The following FUBP1 variants were observed in gnomAD, a reference collection of about 807,000 sequenced individuals.
FUBP1 encodes far upstream element-binding protein 1.
FUBP1 carries 16 observed loss-of-function variants against 94.9 expected under a neutral mutation model. The ratio of observed to expected loss-of-function variants is 0.17; its 90% CI spans 0.11 to 0.26. FUBP1 has a LOEUF of 0.26. FUBP1 is among the 10% of genes least tolerant of loss of function. The pLI is 1.00. For missense variants in FUBP1, 583 were observed against 808.6 expected (o/e 0.72, Z 3.38); for synonymous variants, 279 against 254.9 (o/e 1.09, Z -0.90).
At position 77,978,975 on chromosome 1, in the gene FUBP1, G is replaced by A. The variant is rs763987254; in HGVS notation, c.30C>T (p.Pro10=). 2.3e-5 allele frequency: 37 copies of A among 1,613,372 alleles called. No homozygotes were observed. The South Asian group carries it at 3.1e-4, about 13-fold the overall frequency. Residue 10 remains proline (P), a synonymous_variant, in exon 1 of 20, where the codon CCC becomes CCT. Coordinates refer to ENST00000370768, the MANE Select transcript of FUBP1 (RefSeq NM_003902.5). The stretch of plus-strand genomic sequence containing the variant: ...CACCGCCACCAGCTGAGCCAGAAGA[G>A]GGGGGAGGCACTGTTGAATAGTCTG... MADYSTVPP[P]SSGSAGGGGG... is the part of the protein sequence containing the mutation.
chr1:77,959,564 G>A (rs1655081327), intron 16 of FUBP1, among the ~76,000 whole-genome samples: 1 of 152,042 alleles, frequency 6.6e-6, no homozygotes, highest in African/African-American at 2.4e-5. Context: ...AATTTTTTAA[G>A]AGATGGGATC....
chr1:77,950,132 TTAAATA>T (rs1329016882), intron 18 of FUBP1, among the ~76,000 whole-genome samples: 4 of 152,164 alleles, frequency 2.6e-5, no homozygotes, highest in African/African-American at 9.7e-5. Context: ...CTATGGAAAT[TTAAATA>T]TAGTCTGTAT....
At chr1:77,966,625 A>C in intron 7 of FUBP1, 69 bp downstream of exon 7, 1 of 813,828 alleles carries the variant, frequency 1.2e-6, no homozygotes, top group South Asian at 1.4e-5. Flanking sequence ...AGTAACAAAG[A>C]GAAGAGACAA....
chr1:77,973,239 CTTTA>C (rs1446564582), intron 1 of FUBP1, among the ~76,000 whole-genome samples: 1 of 152,054 alleles, frequency 6.6e-6, no homozygotes, highest in Admixed American at 6.5e-5. Context: ...AAACTTTTTA[CTTTA>C]TTTAATTATT....
At chr1:77,974,421 C>T (rs903515255) in intron 1 of FUBP1, among the ~76,000 whole-genome samples, 4 of 151,934 alleles carry the variant, frequency 2.6e-5, no homozygotes, top group Non-Finnish European at 4.4e-5. Flanking sequence ...CGTGAGCCAC[C>T]GCGCCCAGCC....
intron 18 of FUBP1, among the ~76,000 whole-genome samples, chr1:77,954,432 A>G (rs951789777): frequency 1.3e-5 from 2 of 152,226 alleles, no homozygotes; most frequent in Non-Finnish European, 2.9e-5. Context: ...CTAAGAGGAA[A>G]AACAATTTTT....
Position 77,966,689 on chromosome 1 carries a change from CT to C in FUBP1, c.473+4del. On this transcript the variant is annotated splice_donor_region_variant and intron_variant, in intron 7 of 19. Transcript: ENST00000370768. ...AAGTAGATTTTTAAGATTTTTCAAA[CT>C]TACTGGACAGATTCAGGTGTTCCAG... The C allele has an allele frequency of 6.9e-7, 1 of 1,448,148 alleles. No individual in the cohort carries two copies. Among genetic ancestry groups the C allele is most frequent in the East Asian group, 2.3e-5 (1 of 44,060 alleles). 89.7% of individuals were successfully genotyped at this position (1,448,148 alleles called of 1,614,324 possible).
rs1200882279 is a variant in FUBP1 at position 77,964,292 on chromosome 1, A to AT, written c.901dup (p.Ile301AsnfsTer4). ...AATGCGAACACCAGCATCATTTTGT[A>AT]TTTTTTTGATCATCTCTCCATTTCT... On this transcript the variant is annotated frameshift_variant, in exon 11 of 20. Transcript: ENST00000370768. LOFTEE classifies it high-confidence loss of function. 1.9e-6 allele frequency: 3 copies of AT among 1,609,594 alleles called. No homozygotes were observed. Among genetic ancestry groups the AT allele is most frequent in the East Asian group, 2.2e-5 (1 of 44,856 alleles).
At chr1:77,949,414 C>T in intron 18 of FUBP1, 114 bp from the exon 19 acceptor site, 2 of 804,684 alleles carry the variant, frequency 2.5e-6, no homozygotes, top group South Asian at 3.9e-5. Flanking sequence ...TTTGAATAAT[C>T]TTGTGTTTGC....
intron 1 of FUBP1, among the ~76,000 whole-genome samples, chr1:77,977,794 TGG>T (rs1203123034): frequency 2.0e-5 from 3 of 152,248 alleles, no homozygotes; most frequent in Non-Finnish European, 4.4e-5. Context: ...CTAGTATTTC[TGG>T]TTATAAAAAA....
intron 16 of FUBP1, among the ~76,000 whole-genome samples, chr1:77,957,012 CTTGT>C (rs1247280059): frequency 6.6e-6 from 1 of 152,084 alleles, no homozygotes; most frequent in Non-Finnish European, 1.5e-5. Flanking sequence ...ATCCTGTGCC[CTTGT>C]TTTTTTCTAA....
Position 77,946,312 on chromosome 1 carries a change from TAAAAA to T in FUBP1, c.*2449_*2453del, listed in dbSNP as rs949021020. ...TCTACTCATCATTTTCTTGTCTTAA[TAAAAA>T]AAAAAAAGTAAAATAAAAAACATTA... is the stretch of plus-strand genomic sequence containing the variant. On this transcript the variant is annotated 3_prime_UTR_variant, in exon 20 of 20. Transcript: ENST00000370768. Among the ~76,000 whole-genome samples the T allele has an allele frequency of 7.3e-6, 1 of 136,106 alleles. No homozygotes were observed. The allele number at this position is 136,106 out of a possible 152,430, so 89.3% of individuals were successfully genotyped here. A position where few individuals can be genotyped will look rare whatever the true frequency, so the allele number is the denominator to read the frequency against.
chr1:77,964,563 A>G (rs1269121453), intron 10 of FUBP1, 83 bp downstream of exon 10: 12 of 819,492 alleles, frequency 1.5e-5, no homozygotes, highest in African/African-American at 1.0e-4. Context: ...TAACAATGTT[A>G]GAGCTACTTA....
At chr1:77,963,305 C>A (rs1370393058) in intron 13 of FUBP1, among the ~76,000 whole-genome samples, 1 of 152,102 alleles carries the variant, frequency 6.6e-6, no homozygotes, top group African/African-American at 2.4e-5. Context: ...AACACTCAAA[C>A]CACTTTTTGG....
chr1:77,962,406 G>C (rs1320081035), intron 14 of FUBP1, among the ~76,000 whole-genome samples: 1 of 152,142 alleles, frequency 6.6e-6, no homozygotes, highest in African/African-American at 2.4e-5. Flanking sequence ...GATTTATCTT[G>C]TTTGCCTCGC....
chr1:77,951,384 C>A (rs1409746835), intron 18 of FUBP1, among the ~76,000 whole-genome samples: 2 of 152,210 alleles, frequency 1.3e-5, no homozygotes, highest in Non-Finnish European at 2.9e-5. Context: ...ATATTTGACA[C>A]TCCAATCTTA....
At chr1:77,956,751 TCACACACA>T in intron 16 of FUBP1, 51 bp from the exon 17 acceptor site, 1 of 1,382,396 alleles carries the variant, frequency 7.2e-7, no homozygotes, top group Non-Finnish European at 1.0e-6. Flanking sequence ...TAATTCTCTC[TCACACACA>T]CACACACCAC....
At position 77,964,649 on chromosome 1, in the gene FUBP1, T is replaced by C. The variant is rs1656139820; in HGVS notation, c.834A>G (p.Ile278Met). 1.9e-6 allele frequency: 3 copies of C among 1,542,950 alleles called. No homozygotes were observed. The East Asian group carries it at 6.7e-5, about 35-fold the overall frequency. The change falls in exon 10 of 20, where the codon ATA (isoleucine) becomes ATG (methionine). Residue 278 changes from isoleucine to methionine, a missense_variant. Ile to Met is a conservative substitution (Grantham distance 10). Transcript: ENST00000370768. ...CTGAATGGGTATTTTTACTTACATCTATCCCTTCATTTCCTCCTATTCTTG... is the reference window on the plus strand; with the variant it reads ...CTGAATGGGTATTTTTACTTACATCCATCCCTTCATTTCCTCCTATTCTTG... The part of the protein sequence containing the change: ...YGSRIGGNEG[I>M]DVPIPRFAVG...
chr1:77,966,432 T>C (rs1286069884), intron 7 of FUBP1, among the ~76,000 whole-genome samples: 1 of 152,170 alleles, frequency 6.6e-6, no homozygotes, highest in Non-Finnish European at 1.5e-5. Context: ...TGTGCATTCT[T>C]CTCCAGGCTA....
Sources: gnomAD v4.1 joint callset for allele counts (sites outside exome capture counted in the v4.1 genomes callset) on GRCh38, gnomAD v4.1.1 for gene constraint, MANE v1.5 for transcripts, NCBI Gene and HGNC (gene_info 2026-07-23, HGNC 2026-07-21) for gene names.